The following ELK3 variants were observed in gnomAD, a reference collection of about 807,000 sequenced individuals.
ELK3 encodes the protein ETS domain-containing protein Elk-3.
A neutral mutation model predicts 28.9 loss-of-function variants in ELK3; 10 were observed. The observed-to-expected ratio is 0.35, with a 90% confidence interval of 0.21 to 0.59. ELK3 has a LOEUF of 0.59. ELK3 is among the 20% of genes least tolerant of loss of function. ELK3 has a pLI of 0.82. For missense variants in ELK3, 463 were observed against 517.3 expected (o/e 0.90, Z 1.02); for synonymous variants, 272 against 243.5 (o/e 1.12, Z -1.09).
At chr12:96,258,356 T>C (rs1319989496) in intron 3 of ELK3, among the ~76,000 whole-genome samples, 1 of 152,276 alleles carries the variant, frequency 6.6e-6, no homozygotes, top group African/African-American at 2.4e-5. Context: ...TAATTTGGTA[T>C]AAATGTGTTT....
chr12:96,242,828 G>A (rs1023633157), intron 2 of ELK3, among the ~76,000 whole-genome samples: 9 of 152,186 alleles, frequency 5.9e-5, no homozygotes, highest in African/African-American at 1.9e-4. Flanking sequence ...AGGTTTCCAG[G>A]TAGCCAGATC....
chr12:96,264,875 C>A (rs1242747007), intron 4 of ELK3, among the ~76,000 whole-genome samples: 2 of 152,206 alleles, frequency 1.3e-5, no homozygotes, highest in East Asian at 1.9e-4. Context: ...CTTTTGGTGG[C>A]TTCTCATTTA....
intron 2 of ELK3, among the ~76,000 whole-genome samples, chr12:96,239,777 C>G (rs1294117450): frequency 6.6e-6 from 1 of 152,246 alleles, no homozygotes; most frequent in Non-Finnish European, 1.5e-5. Context: ...TGAGCCCAAG[C>G]AGACGCTGCA....
chr12:96,198,564 T>C (rs1331549018), intron 1 of ELK3, among the ~76,000 whole-genome samples: 1 of 152,232 alleles, frequency 6.6e-6, no homozygotes, highest in African/African-American at 2.4e-5. Context: ...CTTTAATTCC[T>C]CTTTGCCTGT....
At chr12:96,206,117 C>T (rs754817934) in intron 1 of ELK3, among the ~76,000 whole-genome samples, 4 of 152,154 alleles carry the variant, frequency 2.6e-5, no homozygotes, top group African/African-American at 4.8e-5. Flanking sequence ...ACCACAAGAA[C>T]AGCATCTTCC....
chr12:96,234,802 G>T lies in ELK3; in HGVS notation c.207+11029G>T, dbSNP rs540121018. On this transcript the variant is annotated intron_variant, in intron 2 of 4. Transcript: ENST00000228741. The stretch of plus-strand genomic sequence containing the variant: ...GATGCAGCAGCAGGGCGGTGGCAGA[G>T]CTTTCAGACTAAGAGTGTTGACCCC... 3.9e-5 allele frequency among the ~76,000 whole-genome samples: 6 copies of T among 152,294 alleles called. No individual in the cohort carries two copies. The South Asian group carries it at 1.2e-3, about 32-fold the overall frequency.
At chr12:96,219,491 A>G (rs902365189) in intron 1 of ELK3, among the ~76,000 whole-genome samples, 1 of 152,216 alleles carries the variant, frequency 6.6e-6, no homozygotes, top group African/African-American at 2.4e-5. Flanking sequence ...GTGTGATTGT[A>G]TGTGAAAATA....
intron 1 of ELK3, among the ~76,000 whole-genome samples, chr12:96,199,482 G>GTC (rs1442492491): frequency 8.2e-6 from 1 of 121,730 alleles, no homozygotes; most frequent in South Asian, 2.4e-4. Context: ...AAAATTAGCT[G>GTC]TGTGTGTGTG....
At chr12:96,197,995 C>A (rs1157894610) in intron 1 of ELK3, 1 of 152,006 alleles carries the variant, frequency 6.6e-6, no homozygotes, top group East Asian at 1.9e-4. Flanking sequence ...TCTGTGGGAC[C>A]CAATTATATT....
At chr12:96,233,321 T>G (rs1592681148) in intron 2 of ELK3, among the ~76,000 whole-genome samples, 1 of 152,178 alleles carries the variant, frequency 6.6e-6, no homozygotes, top group East Asian at 1.9e-4. Flanking sequence ...CCTTTTGTCC[T>G]TGCTGGCACT....
At position 96,247,502 on chromosome 12, in the gene ELK3, G is replaced by C. The variant is rs371714304; in HGVS notation, c.770G>C (p.Arg257Thr). 14 of 1,613,550 alleles carry C rather than the reference G, an allele frequency of 8.7e-6. No individual in the cohort carries two copies. In the African/African-American group the frequency reaches 1.2e-4, roughly 14 times the overall value. The change falls in exon 3 of 5, where the codon AGA (arginine) becomes ACA (threonine). Residue 257 changes from arginine (R) to threonine (T), a missense_variant. By Grantham distance (71) the Arg-to-Thr change is moderately conservative (BLOSUM62 -1). Coordinates refer to ENST00000228741, the MANE Select transcript of ELK3 (RefSeq NM_005230.4). The surrounding 1 kb of genome is among the most constrained non-coding windows in gnomAD (Gnocchi z 5.5). ...AACTCACCCCTCCCTTCTGAACACA[G>C]AAGCCTCTTCCTGGAGGCCGCCTGC... ...SPNSPLPSEHRSLFLEAACHD... is the reference protein window; with the variant it reads ...SPNSPLPSEHTSLFLEAACHD...
chr12:96,257,176 A>C (rs1951956829), intron 3 of ELK3, among the ~76,000 whole-genome samples: 1 of 152,184 alleles, frequency 6.6e-6, no homozygotes, highest in Non-Finnish European at 1.5e-5. Context: ...GAGCGTGTGG[A>C]GAGAGGCTGT....
At chr12:96,238,416 C>G (rs1379366503) in intron 2 of ELK3, among the ~76,000 whole-genome samples, 1 of 152,236 alleles carries the variant, frequency 6.6e-6, no homozygotes, top group Non-Finnish European at 1.5e-5. Flanking sequence ...CTGTTCACCC[C>G]AGCACTGGGT....
intron 1 of ELK3, among the ~76,000 whole-genome samples, chr12:96,203,538 C>T (rs1274181988): frequency 6.6e-6 from 1 of 152,142 alleles, no homozygotes; most frequent in Non-Finnish European, 1.5e-5. Flanking sequence ...CAATATAGCC[C>T]CACCTTGTTT....
intron 3 of ELK3, among the ~76,000 whole-genome samples, chr12:96,254,267 G>A (rs1054342608): frequency 5.9e-5 from 9 of 152,338 alleles, no homozygotes; most frequent in African/African-American, 2.2e-4. Context: ...AGAGGTTACA[G>A]TGAGCCAAGA....
rs575636693 is a variant in ELK3, at chr12:96,209,940, G to A, written c.-2-13625G>A. 1.2e-3 allele frequency among the ~76,000 whole-genome samples: 176 copies of A among 146,372 alleles called. 2 individuals carry two copies. Among genetic ancestry groups the A allele is most frequent in the African/African-American group, 4.3e-3 (172 of 39,572 alleles). On this transcript the variant is annotated intron_variant, in intron 1 of 4. Transcript: ENST00000228741. ...CCTTTTTTTTTTTTTTCCTACATTT[G>A]ACCAAGGCACAGAAGATCACACAAC...
At position 96,194,407 on chromosome 12, in the gene ELK3, C is replaced by A. The variant is rs1458936647; in HGVS notation, c.-301C>A. On this transcript the variant is annotated 5_prime_UTR_variant, in exon 1 of 5. Coordinates refer to ENST00000228741, the MANE Select transcript of ELK3 (RefSeq NM_005230.4). ...TGGGCGGCCAGCCCCGGCGCACAGC[C>A]GCGGCCGGGGCGCGCGGCGCGGGGC... 1 of 146,870 alleles carries A rather than the reference C, an allele frequency of 6.8e-6. No individual in the cohort carries two copies. Among genetic ancestry groups the A allele is most frequent in the African/African-American group, 2.5e-5 (1 of 40,718 alleles). 9.1% of individuals were successfully genotyped at this position (146,870 alleles called of 1,614,324 possible).
chr12:96,214,733 GT>G (rs915472511), intron 1 of ELK3, among the ~76,000 whole-genome samples: 2 of 151,092 alleles, frequency 1.3e-5, no homozygotes, highest in East Asian at 1.9e-4. Context: ...ACTTGTATAA[GT>G]TTTTTTTTCA....
At chr12:96,211,407 C>T (rs1416994750) in intron 1 of ELK3, among the ~76,000 whole-genome samples, 1 of 151,174 alleles carries the variant, frequency 6.6e-6, no homozygotes, top group Non-Finnish European at 1.5e-5. Flanking sequence ...TATATTTTTC[C>T]TAGAGAATTT....
Sources: gnomAD v4.1 joint callset for allele counts (sites outside exome capture counted in the v4.1 genomes callset) on GRCh38, gnomAD v4.1.1 for gene constraint, Gnocchi (gnomAD v3.1) non-coding constraint, MANE v1.5 for transcripts, NCBI Gene and HGNC (gene_info 2026-07-23, HGNC 2026-07-21) for gene names.